The following MAP3K12 variants were observed in gnomAD, a reference collection of about 807,000 sequenced individuals.
MAP3K12 encodes MAPK-upstream kinase.
A neutral mutation model predicts 87.5 loss-of-function variants in MAP3K12; 14 were observed. The ratio of observed to expected loss-of-function variants is 0.16; its 90% CI spans 0.11 to 0.25. The LOEUF is 0.25. MAP3K12 is among the 10% of genes least tolerant of loss of function. MAP3K12 has a pLI of 1.00. For missense variants in MAP3K12, 802 were observed against 1,140.4 expected (o/e 0.70, Z 4.27); for synonymous variants, 469 against 452.5 (o/e 1.04, Z -0.46).
intron 10 of MAP3K12, 59 bp downstream of exon 10, chr12:53,483,290 A>G: frequency 6.3e-7 from 1 of 1,591,786 alleles, no homozygotes; most frequent in Non-Finnish European, 8.6e-7. Flanking sequence ...CTGCTAATAT[A>G]CCTGTTGCCA....
chr12:53,487,587 C>T (rs1943265816), intron 1 of MAP3K12, 159 bp from the exon 2 acceptor site: 1 of 646,984 alleles, frequency 1.5e-6, no homozygotes, highest in South Asian at 2.3e-5. Context: ...CAAATTGCAC[C>T]TTGAGCCATC....
At chr12:53,481,542 G>GTT in intron 13 of MAP3K12, 1 of 291,674 alleles carries the variant, frequency 3.4e-6, no homozygotes, top group East Asian at 7.0e-5. Context: ...TAGAGATGGG[G>GTT]TTTTACCATA....
Position 53,486,703 on chromosome 12 carries a change from G to T in MAP3K12, c.446-81C>A. Reference sequence around the variant, plus strand: ...GGGACAGGATAGCATTGGGTTGGCTGAATTGACTTAAGGAGGGTGAGGCAG... The same window carrying T: ...GGGACAGGATAGCATTGGGTTGGCTTAATTGACTTAAGGAGGGTGAGGCAG... On this transcript the variant is annotated intron_variant, in intron 2 of 13. Coordinates refer to ENST00000547488, the MANE Select transcript of MAP3K12 (RefSeq NM_001193511.2). This position sits in a 1 kb window ranked among gnomAD's most constrained non-coding sequence, Gnocchi z 4.9. The T allele has an allele frequency of 6.8e-7, 1 of 1,468,482 alleles. No homozygotes were observed. Among genetic ancestry groups the T allele is most frequent in the African/African-American group, 1.4e-5 (1 of 70,320 alleles). The allele number at this position is 1,468,482 out of a possible 1,614,324, so 91.0% of individuals were successfully genotyped here.
At chr12:53,481,339 T>A in intron 13 of MAP3K12, 59 bp from the exon 14 acceptor site, 3 of 927,298 alleles carry the variant, frequency 3.2e-6, no homozygotes, top group Non-Finnish European at 4.6e-6. Flanking sequence ...GGGGTCATTT[T>A]AATAGCCAGT....
chr12:53,481,809 A>C, intron 13 of MAP3K12, 132 bp downstream of exon 13: 8 of 1,106,172 alleles, frequency 7.2e-6, no homozygotes, highest in Non-Finnish European at 9.0e-6. Flanking sequence ...CTGAAATTCC[A>C]CCACGTGGAT....
Position 53,483,430 on chromosome 12 carries a change from C to T in MAP3K12, c.1532G>A (p.Arg511Gln), listed in dbSNP as rs1372786421. Reference sequence around the variant, plus strand: ...CATTGTGTTTCCATGCAGGAGGCCCCGGGAAGGGTGTGGCTTCAGCAGGCC... The same window carrying T: ...CATTGTGTTTCCATGCAGGAGGCCCTGGGAAGGGTGTGGCTTCAGCAGGCC... ...CPGLLKPHPS[R>Q]GLLHGNTMEK... Residue 511 changes from arginine to glutamine, a missense_variant, in exon 10 of 14, where the codon CGG becomes CAG. By Grantham distance (43) the Arg-to-Gln change is conservative (BLOSUM62 1). Around this residue, in one of 5 missense-constraint regions of MAP3K12, gnomAD observed 99 missense variants for 193.4 expected, o/e 0.51. Coordinates refer to ENST00000547488, the MANE Select transcript of MAP3K12 (RefSeq NM_001193511.2). 17 of 1,613,990 alleles carry T rather than the reference C, an allele frequency of 1.1e-5. No individual in the cohort carries two copies. The highest frequency in any genetic ancestry group is 1.4e-5 in the Non-Finnish European group (16 of 1,180,022).
At chr12:53,501,345 C>G (rs544243086), upstream of MAP3K12, 1 of 1,539,594 alleles carries the variant, frequency 6.5e-7, no homozygotes, top group Non-Finnish European at 8.8e-7. Flanking sequence ...CCTAGCTCGT[C>G]GGCTGTGTAT....
Position 53,486,425 on chromosome 12 carries a change from G to A in MAP3K12, c.629+14C>T. 1 of 1,613,596 alleles carries A rather than the reference G, an allele frequency of 6.2e-7. No homozygotes were observed. The highest frequency in any genetic ancestry group is 8.5e-7 in the Non-Finnish European group (1 of 1,179,646). The stretch of plus-strand genomic sequence containing the variant: ...ATAGTATCCCCAACACCCAGCCCCT[G>A]CCCTGGACCTCACTTGAAAGTGATG... On this transcript the variant is annotated intron_variant, in intron 3 of 13. Coordinates refer to ENST00000547488, the MANE Select transcript of MAP3K12 (RefSeq NM_001193511.2). The surrounding 1 kb of genome is among the most constrained non-coding windows in gnomAD (Gnocchi z 4.9).
Position 53,481,203 on chromosome 12 carries a change from G to C in MAP3K12, c.2658C>G (p.Pro886=). 6.5e-7 allele frequency: 1 copy of C among 1,528,088 alleles called. No individual in the cohort carries two copies. The highest frequency in any genetic ancestry group is 1.4e-5 in the African/African-American group (1 of 71,004). 94.7% of individuals were successfully genotyped at this position (1,528,088 alleles called of 1,614,324 possible). A position where few individuals can be genotyped will look rare whatever the true frequency, so the allele number is the denominator to read the frequency against. Residue 886 remains proline, a synonymous_variant, in exon 14 of 14, where the codon CCC becomes CCG. Coordinates refer to ENST00000547488, the MANE Select transcript of MAP3K12 (RefSeq NM_001193511.2). Reference sequence around the variant, plus strand: ...GCTTTCATGGAGGGAGGGAAGCTGGGGGCCGCAAGGCATCAACGCTGTTGG... The same window carrying C: ...GCTTTCATGGAGGGAGGGAAGCTGGCGGCCGCAAGGCATCAACGCTGTTGG... The part of the protein sequence containing the change: ...DNSNSVDALR[P]PASLPP
In MAP3K12 at chr12:53,494,908, G is replaced by A. The variant is rs141460005; in HGVS notation, c.-38+4519C>T. On this transcript the variant is annotated intron_variant, in intron 1 of 13. Coordinates refer to ENST00000547488, the MANE Select transcript of MAP3K12 (RefSeq NM_001193511.2). ...CGTATTGTTTTTGAAACAGGGTCTC[G>A]CTTTGTTGCCCAGGCTGGAGTGCAG... is the stretch of plus-strand genomic sequence containing the variant. Among the ~76,000 whole-genome samples, 291 of 152,176 alleles carry A rather than the reference G, an allele frequency of 1.9e-3. No homozygotes were observed. The Middle Eastern group carries it at 0.024, about 12-fold the overall frequency.
intron 1 of MAP3K12, among the ~76,000 whole-genome samples, chr12:53,491,301 A>AAAGAAAAAAAAG (rs1555212339): frequency 2.0e-5 from 2 of 101,600 alleles, no homozygotes; most frequent in East Asian, 2.3e-4. Flanking sequence ...AAAAAAAAAA[A>AAAGAAAAAAAAG]AAAAGAAAAG....
Position 53,486,428 on chromosome 12 carries a change from C to T in MAP3K12, c.629+11G>A, listed in dbSNP as rs759919123. On this transcript the variant is annotated intron_variant, in intron 3 of 13. Coordinates refer to ENST00000547488, the MANE Select transcript of MAP3K12 (RefSeq NM_001193511.2). This position sits in a 1 kb window ranked among gnomAD's most constrained non-coding sequence, Gnocchi z 4.9. ...GTATCCCCAACACCCAGCCCCTGCC[C>T]TGGACCTCACTTGAAAGTGATGATG... is the stretch of plus-strand genomic sequence containing the variant. 6.2e-7 allele frequency: 1 copy of T among 1,613,794 alleles called. No homozygotes were observed. Among genetic ancestry groups the T allele is most frequent in the South Asian group, 1.1e-5 (1 of 91,044 alleles).
rs1490100054 is a variant in MAP3K12, at chr12:53,479,777, A to C, written c.*1405T>G. The C allele has an allele frequency of 5.4e-6, 1 of 184,472 alleles. No individual in the cohort carries two copies. The highest frequency in any genetic ancestry group is 1.1e-5 in the Non-Finnish European group (1 of 90,476). 11.4% of individuals were successfully genotyped at this position (184,472 alleles called of 1,614,324 possible). ...TGTAATGTCAGGAATTTTTCAAAAA[A>C]ATTAAAAGATGGACTGGAGCTTTTT... On this transcript the variant is annotated 3_prime_UTR_variant, in exon 14 of 14. Coordinates refer to ENST00000547488, the MANE Select transcript of MAP3K12 (RefSeq NM_001193511.2).
chr12:53,489,588 T>C (rs1408047408), intron 1 of MAP3K12, among the ~76,000 whole-genome samples: 1 of 152,198 alleles, frequency 6.6e-6, no homozygotes, highest in Non-Finnish European at 1.5e-5. Context: ...CTCTAATTGT[T>C]CCTCATAGCT....
rs1170731153 is a variant in MAP3K12 at position 53,484,361 on chromosome 12, T to C, written c.1144A>G (p.Ser382Gly). The C allele has an allele frequency of 6.2e-7, 1 of 1,613,506 alleles. No individual in the cohort carries two copies. Among genetic ancestry groups the C allele is most frequent in the Non-Finnish European group, 8.5e-7 (1 of 1,179,412 alleles). ...FKILLRQCWN[S>G]KPRNRPSFRQ... Reference sequence around the variant, plus strand: ...AATGATGGGCGATTTCGTGGTTTGCTATTCCTGAAAGGAATGGAGTTAGGA... The same window carrying C: ...AATGATGGGCGATTTCGTGGTTTGCCATTCCTGAAAGGAATGGAGTTAGGA... The change falls in exon 7 of 14, where the codon AGC becomes GGC. Residue 382 changes from serine to glycine, a missense_variant. By Grantham distance (56) the Ser-to-Gly change is moderately conservative (BLOSUM62 0). Coordinates refer to ENST00000547488, the MANE Select transcript of MAP3K12 (RefSeq NM_001193511.2).
intron 4 of MAP3K12, 52 bp from the exon 5 acceptor site, chr12:53,485,527 TAACTCTGCAGC>T (rs753840921): frequency 1.3e-6 from 2 of 1,569,282 alleles, no homozygotes; most frequent in South Asian, 2.3e-5. Flanking sequence ...ACACCTCATC[TAACTCTGCAGC>T]AACTCTGCCT....
At chr12:53,484,077 C>G in intron 7 of MAP3K12, 57 bp from the exon 8 acceptor site, 2 of 1,551,064 alleles carry the variant, frequency 1.3e-6, no homozygotes, top group Non-Finnish European at 1.8e-6. Context: ...GTGAAAGGCT[C>G]TGCAGGTTGC....
intron 1 of MAP3K12, among the ~76,000 whole-genome samples, chr12:53,494,675 T>C (rs914575695): frequency 1.3e-5 from 2 of 152,156 alleles, no homozygotes; most frequent in Admixed American, 1.3e-4. Context: ...CTGAGTGCTC[T>C]CCACTGTCTG....
intron 4 of MAP3K12, 172 bp from the exon 5 acceptor site, chr12:53,485,647 C>T: frequency 1.4e-6 from 1 of 693,350 alleles, no homozygotes; most frequent in Non-Finnish European, 2.4e-6. Context: ...CCTCCACCTC[C>T]TGGGTTCAAG....
Sources: allele counts gnomAD v4.1 joint callset (sites outside exome capture counted in the v4.1 genomes callset), GRCh38; gene constraint gnomAD v4.1.1; regional missense constraint gnomAD v4.1.1; non-coding constraint Gnocchi (gnomAD v3.1); transcripts MANE v1.5; gene names NCBI Gene and HGNC (gene_info 2026-07-23, HGNC 2026-07-21).